The following SH3GL2 variants were observed in gnomAD, a reference collection of about 807,000 sequenced individuals.
SH3GL2 encodes the protein endophilin-A1.
SH3GL2 carries 24 observed loss-of-function variants against 46.0 expected under a neutral mutation model. That is an observed-to-expected ratio of 0.52 (90% CI 0.38 to 0.73). The LOEUF (loss-of-function observed/expected upper bound fraction) is 0.73. Among genes scored for constraint, SH3GL2 ranks in the 30% least tolerant of loss-of-function variants. The probability of loss-of-function intolerance (pLI) is 0.00; values close to 1 mark genes in which losing one functional copy is unlikely to be tolerated. For synonymous variants in SH3GL2, 196 were observed against 147.1 expected (o/e 1.33, Z -2.40); for missense variants, 413 against 424.2 (o/e 0.97, Z 0.23).
chr9:17,782,671 A>G (rs912470742), intron 3 of SH3GL2, among the ~76,000 whole-genome samples: 1 of 152,190 alleles, frequency 6.6e-6, no homozygotes, highest in African/African-American at 2.4e-5. Flanking sequence ...CTCTAGTGCC[A>G]TTCCAAAGCA....
intron 1 of SH3GL2, among the ~76,000 whole-genome samples, chr9:17,708,128 C>A (rs2118249943): frequency 6.6e-6 from 1 of 152,146 alleles, no homozygotes; most frequent in African/African-American, 2.4e-5. Flanking sequence ...AACCGTCTGT[C>A]TCCAGATTCT....
At chr9:17,614,741 C>G (rs1453361132) in intron 1 of SH3GL2, among the ~76,000 whole-genome samples, 1 of 152,100 alleles carries the variant, frequency 6.6e-6, no homozygotes, top group African/African-American at 2.4e-5. Context: ...AGTTCTACAG[C>G]TGAGAGGTGG....
At chr9:17,674,245 G>A (rs999691555) in intron 1 of SH3GL2, among the ~76,000 whole-genome samples, 8 of 151,962 alleles carry the variant, frequency 5.3e-5, no homozygotes, top group African/African-American at 1.7e-4. Context: ...TAAACATTTT[G>A]TGTGTATGTG....
intron 1 of SH3GL2, among the ~76,000 whole-genome samples, chr9:17,692,244 G>T (rs1422308548): frequency 6.6e-6 from 1 of 151,198 alleles, no homozygotes; most frequent in Non-Finnish European, 1.5e-5. Context: ...GAGCTTTTGA[G>T]TAAGAAGGAG....
chr9:17,665,925 A>G (rs528843284), intron 1 of SH3GL2, among the ~76,000 whole-genome samples: 25 of 148,796 alleles, frequency 1.7e-4, no homozygotes, highest in Non-Finnish European at 3.0e-4. Context: ...ATGACTTTAT[A>G]CTGATATGTT....
chr9:17,662,145 A>T (rs1188852948), intron 1 of SH3GL2, among the ~76,000 whole-genome samples: 1 of 152,186 alleles, frequency 6.6e-6, no homozygotes. Context: ...TGTAAATGTC[A>T]GTTAGATCCT....
intron 7 of SH3GL2, 124 bp downstream of exon 7, chr9:17,791,458 A>C: frequency 2.9e-6 from 2 of 687,480 alleles, no homozygotes; most frequent in East Asian, 5.3e-5. Flanking sequence ...TATCCTACAG[A>C]GGCGCCTTGT....
intron 1 of SH3GL2, among the ~76,000 whole-genome samples, chr9:17,601,407 C>T (rs1487101387): frequency 1.3e-5 from 2 of 152,012 alleles, no homozygotes; most frequent in African/African-American, 2.4e-5. Flanking sequence ...CTCATGTTTC[C>T]GTTTTTGGTG....
At chr9:17,782,588 G>A (rs567741424) in intron 3 of SH3GL2, among the ~76,000 whole-genome samples, 5 of 152,220 alleles carry the variant, frequency 3.3e-5, no homozygotes, top group Admixed American at 2.0e-4. Flanking sequence ...CAGGCCTGGT[G>A]CCAAGGAGAC....
chr9:17,724,617 C>A (rs969386636), intron 1 of SH3GL2, among the ~76,000 whole-genome samples: 1 of 152,002 alleles, frequency 6.6e-6, no homozygotes, highest in South Asian at 2.1e-4. Context: ...GTTTGAATGT[C>A]TCATAATTCC....
intron 1 of SH3GL2, among the ~76,000 whole-genome samples, chr9:17,740,919 A>G (rs1175539954): frequency 6.6e-6 from 1 of 152,028 alleles, no homozygotes; most frequent in African/African-American, 2.4e-5. Context: ...GAGTTTAGGC[A>G]TTTTCTTTTT....
chr9:17,740,882 C>G (rs1822508775), intron 1 of SH3GL2, among the ~76,000 whole-genome samples: 1 of 151,924 alleles, frequency 6.6e-6, no homozygotes, highest in Non-Finnish European at 1.5e-5. Context: ...GGTTTTCATT[C>G]CTGAGGTGAA....
intron 1 of SH3GL2, among the ~76,000 whole-genome samples, chr9:17,683,035 T>C (rs1442329665): frequency 3.3e-5 from 5 of 152,100 alleles, no homozygotes; most frequent in African/African-American, 1.2e-4. Context: ...ATTTCGGTCA[T>C]AGAGCAACTA....
At chr9:17,733,917 A>G (rs1350570311) in intron 1 of SH3GL2, among the ~76,000 whole-genome samples, 3 of 152,062 alleles carry the variant, frequency 2.0e-5, no homozygotes, top group Non-Finnish European at 4.4e-5. Context: ...TGGGAATTGA[A>G]CAATGAGAAC....
chr9:17,678,444 T>C (rs1270778578), intron 1 of SH3GL2, among the ~76,000 whole-genome samples: 1 of 152,216 alleles, frequency 6.6e-6, no homozygotes, highest in Non-Finnish European at 1.5e-5. Context: ...TTTTGAGAAG[T>C]GTCTGTTCAT....
Position 17,637,653 on chromosome 9 carries a change from A to G in SH3GL2, c.45+58366A>G, listed in dbSNP as rs116091670. On this transcript the variant is annotated intron_variant, in intron 1 of 8. Transcript: ENST00000380607. ...TTTACTAGCCATGTGCCTTTAGGCA[A>G]ATGTCTTGTCCTTTCTGAGCCTTAG... Among the ~76,000 whole-genome samples the G allele has an allele frequency of 1.7e-3, 258 of 152,318 alleles. 1 individual carries two copies. Among genetic ancestry groups the G allele is most frequent in the African/African-American group, 5.8e-3 (242 of 41,574 alleles).
At chr9:17,774,162 G>C (rs1020975903) in intron 3 of SH3GL2, among the ~76,000 whole-genome samples, 5 of 152,046 alleles carry the variant, frequency 3.3e-5, no homozygotes, top group Non-Finnish European at 7.4e-5. Flanking sequence ...CTGCTACTTT[G>C]TTGAATTCAT....
intron 1 of SH3GL2, among the ~76,000 whole-genome samples, chr9:17,743,116 G>A (rs1487070848): frequency 6.6e-6 from 1 of 152,148 alleles, no homozygotes; most frequent in African/African-American, 2.4e-5. Flanking sequence ...CAACAAGCCT[G>A]TGTTCCTCAC....
intron 2 of SH3GL2, among the ~76,000 whole-genome samples, chr9:17,756,449 A>G (rs1047589854): frequency 1.3e-5 from 2 of 148,616 alleles, no homozygotes; most frequent in Non-Finnish European, 1.5e-5. Flanking sequence ...TACATTAGGT[A>G]TATCTCCTAA....
Sources: gnomAD v4.1 joint callset for allele counts (sites outside exome capture counted in the v4.1 genomes callset) on GRCh38, gnomAD v4.1.1 for gene constraint, MANE v1.5 for transcripts, NCBI Gene and HGNC (gene_info 2026-07-23, HGNC 2026-07-21) for gene names.